The following PRUNE2 variants were observed in gnomAD, a reference collection of about 807,000 sequenced individuals.
PRUNE2 encodes the protein protein prune homolog 2.
PRUNE2 carries 164 observed loss-of-function variants against 252.0 expected under a neutral mutation model. The observed-to-expected ratio is 0.65, with a 90% CI of 0.57 to 0.74. PRUNE2 has a LOEUF of 0.74. Among genes scored for constraint, PRUNE2 ranks in the 30% least tolerant of loss-of-function variants. The pLI, the probability that PRUNE2 is intolerant of heterozygous loss-of-function variation, is 0.00. For synonymous variants in PRUNE2, 1,292 were observed against 1,350.2 expected, an observed-to-expected ratio of 0.96 and a Z score of 0.94; for missense variants, 3,495 against 3,711.0, an observed-to-expected ratio of 0.94 and a Z score of 1.51.
chr9:76,718,648 C>T (rs937283160), intron 6 of PRUNE2, among the ~76,000 whole-genome samples: 3 of 152,100 alleles, frequency 2.0e-5, no homozygotes, highest in African/African-American at 7.2e-5. Context: ...ATATTCACAC[C>T]CAACTTTGTT....
chr9:76,822,773 C>A (rs1433840985), intron 6 of PRUNE2, among the ~76,000 whole-genome samples: 1 of 151,928 alleles, frequency 6.6e-6, no homozygotes, highest in African/African-American at 2.4e-5. Context: ...TGCCACTGCA[C>A]TCCAGCCTGG....
intron 4 of PRUNE2, among the ~76,000 whole-genome samples, chr9:76,843,722 CCT>C (rs1345054382): frequency 2.9e-5 from 4 of 136,154 alleles, no homozygotes; most frequent in African/African-American, 1.2e-4. Flanking sequence ...TGACTTGATT[CCT>C]CTTTTTTTTT....
At chr9:76,762,371 C>A (rs2051818111) in intron 6 of PRUNE2, among the ~76,000 whole-genome samples, 1 of 152,136 alleles carries the variant, frequency 6.6e-6, no homozygotes, top group Middle Eastern at 3.2e-3. Flanking sequence ...ATAAGGGAGG[C>A]AGGAATGGCG....
intron 5 of PRUNE2, among the ~76,000 whole-genome samples, chr9:76,825,890 A>G (rs540384114): frequency 2.6e-5 from 4 of 152,366 alleles, no homozygotes; most frequent in South Asian, 4.1e-4. Context: ...TTTCTTCAAC[A>G]TAGCCATCTT....
intron 1 of PRUNE2, among the ~76,000 whole-genome samples, chr9:76,903,465 A>G (rs945390337): frequency 6.6e-6 from 1 of 152,212 alleles, no homozygotes; most frequent in African/African-American, 2.4e-5. Context: ...CATTTAAAAC[A>G]TAGCTCCTAC....
chr9:76,652,659 T>C lies in PRUNE2; in HGVS notation c.8381A>G (p.Asn2794Ser). Residue 2794 changes from asparagine (N) to serine (S), a missense_variant, in exon 11 of 19, where the codon AAT (asparagine) becomes AGT (serine). Transcript: ENST00000376718. ...CTTGATTCTCCGAGGATGAGTGTCA[T>C]TAAGATCCAGAGAATTAGGAGGTTC... Reference protein sequence around the residue: ...RPEPPNSLDLNDTHPRRIKLT... With the variant: ...RPEPPNSLDLSDTHPRRIKLT... The C allele has an allele frequency of 5.0e-6, 8 of 1,612,076 alleles. No homozygotes were observed. Among genetic ancestry groups the C allele is most frequent in the Non-Finnish European group, 5.9e-6 (7 of 1,178,344 alleles).
intron 9 of PRUNE2, among the ~76,000 whole-genome samples, chr9:76,678,718 A>G (rs960040073): frequency 6.6e-6 from 1 of 152,138 alleles, no homozygotes; most frequent in Non-Finnish European, 1.5e-5. Flanking sequence ...AGTCCCAGCT[A>G]CTTGGAGGCT....
rs559895422 is a variant in PRUNE2, at chr9:76,729,680, G to A, written c.757-15959C>T. 5.9e-5 allele frequency among the ~76,000 whole-genome samples: 9 copies of A among 152,066 alleles called. No individual in the cohort carries two copies. In the South Asian group the frequency reaches 6.2e-4, roughly 11 times the overall value. On this transcript the variant is annotated intron_variant, in intron 6 of 18. Coordinates refer to ENST00000376718, the MANE Select transcript of PRUNE2 (RefSeq NM_015225.3). ...GTTTTATTATAAAATAAAATAAAAC[G>A]ATCTTATTTGAATTCAAACATAAAA...
At chr9:76,743,425 T>C (rs894475115) in intron 6 of PRUNE2, among the ~76,000 whole-genome samples, 2 of 152,200 alleles carry the variant, frequency 1.3e-5, no homozygotes, top group South Asian at 2.1e-4. Context: ...TAATGTAGCA[T>C]TGTTCATGGT....
At chr9:76,796,646 T>C (rs1444304150) in intron 6 of PRUNE2, among the ~76,000 whole-genome samples, 1 of 152,222 alleles carries the variant, frequency 6.6e-6, no homozygotes, top group Non-Finnish European at 1.5e-5. Flanking sequence ...ATTTTGTATG[T>C]GTCAACTTGA....
intron 6 of PRUNE2, among the ~76,000 whole-genome samples, chr9:76,731,673 G>T (rs1398205279): frequency 6.6e-6 from 1 of 151,948 alleles, no homozygotes; most frequent in Non-Finnish European, 1.5e-5. Flanking sequence ...TATCTTTCTA[G>T]TACGTACCAA....
intron 7 of PRUNE2, among the ~76,000 whole-genome samples, chr9:76,713,005 T>G (rs1266130393): frequency 1.3e-5 from 2 of 152,190 alleles, no homozygotes; most frequent in African/African-American, 4.8e-5. Flanking sequence ...ATCATGTATG[T>G]TCTCATATTA....
intron 9 of PRUNE2, among the ~76,000 whole-genome samples, chr9:76,678,452 G>A (rs1389379317): frequency 1.3e-5 from 2 of 150,800 alleles, no homozygotes; most frequent in Admixed American, 1.3e-4. Flanking sequence ...AAGAAGAAAA[G>A]ATTTCTTGGT....
rs368713583 is a variant in PRUNE2 at position 76,799,067 on chromosome 9, G to A, written c.756+24565C>T. On this transcript the variant is annotated intron_variant, in intron 6 of 18. Transcript: ENST00000376718. ...TAAGATCAGTGATTTTTGGCCAAAC[G>A]CGGTGGCTCACGCCTGTAATCCCAG... Among the ~76,000 whole-genome samples, 10 of 152,250 alleles carry A rather than the reference G, an allele frequency of 6.6e-5. No individual in the cohort carries two copies. The East Asian group carries it at 7.7e-4, about 12-fold the overall frequency.
At position 76,722,246 on chromosome 9, in the gene PRUNE2, T is replaced by G. The variant is rs543393409; in HGVS notation, c.757-8525A>C. ...GCTATTTTTTTTTTTTTTTTTGTAT[T>G]TTTAGTAGAGACAGTGTTTCACCAT... On this transcript the variant is annotated intron_variant, in intron 6 of 18. Coordinates refer to ENST00000376718, the MANE Select transcript of PRUNE2 (RefSeq NM_015225.3). Among the ~76,000 whole-genome samples the G allele has an allele frequency of 4.6e-5, 7 of 151,416 alleles. No individual in the cohort carries two copies. The East Asian group carries it at 1.4e-3, about 29-fold the overall frequency.
chr9:76,713,347 T>A (rs2046885534), intron 7 of PRUNE2, among the ~76,000 whole-genome samples: 1 of 152,228 alleles, frequency 6.6e-6, no homozygotes, highest in African/African-American at 2.4e-5. Context: ...TGTTTTGCAC[T>A]ATGGATTCAG....
intron 6 of PRUNE2, among the ~76,000 whole-genome samples, chr9:76,774,457 T>TAGTTA (rs756648285): frequency 1.4e-5 from 1 of 73,556 alleles, no homozygotes; most frequent in African/African-American, 5.9e-5. Flanking sequence ...ACCCTTTTTT[T>TAGTTA]TTTTTTTTTT....
chr9:76,707,428 G>A lies in PRUNE2; in HGVS notation c.4846C>T (p.Arg1616Cys), dbSNP rs750530554. 1.1e-5 allele frequency: 17 copies of A among 1,613,818 alleles called. No homozygotes were observed. Among genetic ancestry groups the A allele is most frequent in the South Asian group, 5.5e-5 (5 of 91,076 alleles). ...RINEFEKSFD[R>C]KTPTFLEIWN... ...ATCTCTAAAAATGTAGGAGTTTTGC[G>A]ATCAAAGCTCTTTTCAAACTCATTT... Residue 1616 changes from arginine to cysteine, a missense_variant, in exon 8 of 19, where the codon CGC (arginine) becomes TGC (cysteine). Arg to Cys is a radical substitution (Grantham distance 180). Transcript: ENST00000376718.
intron 1 of PRUNE2, among the ~76,000 whole-genome samples, chr9:76,857,653 C>A (rs1187117181): frequency 6.6e-6 from 1 of 152,192 alleles, no homozygotes; most frequent in Non-Finnish European, 1.5e-5. Context: ...GTCATGTAGA[C>A]TCACCCTGTA....
Sources: gnomAD v4.1 joint callset for allele counts (sites outside exome capture counted in the v4.1 genomes callset) on GRCh38, gnomAD v4.1.1 for gene constraint, MANE v1.5 for transcripts, NCBI Gene and HGNC (gene_info 2026-07-23, HGNC 2026-07-21) for gene names.